Variants in IGF1R observed in about 807,000 individuals in gnomAD.
The protein encoded by IGF1R is insulin like growth factor 1 receptor, also known as insulin-like growth factor 1 receptor.
A neutral mutation model predicts 144.6 loss-of-function variants in IGF1R; 44 were observed. The observed-to-expected ratio is 0.30, with a 90% CI of 0.24 to 0.39. IGF1R has a LOEUF of 0.39. Ranked by LOEUF, IGF1R falls within the 10% of genes least tolerant of loss-of-function variation. IGF1R has a pLI of 1.00. For synonymous variants in IGF1R, 795 were observed against 722.8 expected, an observed-to-expected ratio of 1.10 and a Z score of -1.60; for missense variants, 1,355 against 1,833.7, an observed-to-expected ratio of 0.74 and a Z score of 4.77.
chr15:98,764,199 T>C (rs927897808), intron 2 of IGF1R, among the ~76,000 whole-genome samples: 2 of 152,238 alleles, frequency 1.3e-5, no homozygotes, highest in Non-Finnish European at 2.9e-5. Context: ...TACCTGAAGC[T>C]TTCGTGTCTT....
intron 2 of IGF1R, among the ~76,000 whole-genome samples, chr15:98,734,028 G>A (rs1370543664): frequency 4.6e-5 from 7 of 152,148 alleles, no homozygotes; most frequent in Admixed American, 2.0e-4. Flanking sequence ...AGCCTGCCTC[G>A]TAGGACCCTC....
At chr15:98,798,951 AGGCACAG>A (rs1485272524) in intron 2 of IGF1R, among the ~76,000 whole-genome samples, 1 of 152,152 alleles carries the variant, frequency 6.6e-6, no homozygotes, top group Admixed American at 6.5e-5. Flanking sequence ...GAAGAAACTG[AGGCACAG>A]AGAGGTTAGC....
At chr15:98,864,338 A>G (rs2012314944) in intron 2 of IGF1R, among the ~76,000 whole-genome samples, 1 of 152,214 alleles carries the variant, frequency 6.6e-6, no homozygotes, top group Non-Finnish European at 1.5e-5. Context: ...TCCCAAATCT[A>G]ATTGGTATGA....
intron 5 of IGF1R, among the ~76,000 whole-genome samples, chr15:98,906,423 C>T (rs998400777): frequency 6.6e-6 from 1 of 152,226 alleles, no homozygotes; most frequent in Non-Finnish European, 1.5e-5. Flanking sequence ...GGGGGTGCAT[C>T]GCTGCAGTCT....
At position 98,762,950 on chromosome 15, in the gene IGF1R, G is replaced by T. The variant is rs575945141; in HGVS notation, c.640+54843G>T. Among the ~76,000 whole-genome samples the T allele has an allele frequency of 1.1e-3, 172 of 151,618 alleles. 1 individual carries two copies. The highest frequency in any genetic ancestry group is 1.9e-3 in the Non-Finnish European group (132 of 67,974). ...AGTCCCAGCTACTCAGGAGGCTGACGCAGGAGAATTGCTTGAACCTGGGAG... is the reference window on the plus strand; with the variant it reads ...AGTCCCAGCTACTCAGGAGGCTGACTCAGGAGAATTGCTTGAACCTGGGAG... On this transcript the variant is annotated intron_variant, in intron 2 of 20. Transcript: ENST00000650285.
intron 2 of IGF1R, among the ~76,000 whole-genome samples, chr15:98,810,521 A>G (rs1206352944): frequency 3.3e-5 from 5 of 152,006 alleles, no homozygotes; most frequent in Non-Finnish European, 5.9e-5. Context: ...ACTCTCTTGT[A>G]AAATCAGATT....
chr15:98,813,207 A>C (rs142665898), intron 2 of IGF1R, among the ~76,000 whole-genome samples: 1,766 of 152,272 alleles, frequency 0.012, 22 homozygotes, highest in Middle Eastern at 0.048. Context: ...AGGGTTAGCC[A>C]GTTCCTAGGT....
At position 98,957,417 on chromosome 15, in the gene IGF1R, C is replaced by T. The variant is rs779623011; in HGVS notation, c.4079C>T (p.Pro1360Leu). Residue 1360 changes from proline (P) to leucine (L), a missense_variant, in exon 21 of 21, where the codon CCG (proline) becomes CTG (leucine). Coordinates refer to ENST00000650285, the MANE Select transcript of IGF1R (RefSeq NM_000875.5). ...GGCCGCAAGAACGAGCGGGCCTTGCCGCTGCCCCAGTCTTCGACCTGCTGA... is the reference window on the plus strand; with the variant it reads ...GGCCGCAAGAACGAGCGGGCCTTGCTGCTGCCCCAGTCTTCGACCTGCTGA... The part of the protein sequence containing the change: ...NGGRKNERAL[P>L]LPQSSTC 12 of 1,613,072 alleles carry T rather than the reference C, an allele frequency of 7.4e-6. No individual in the cohort carries two copies. Among genetic ancestry groups the T allele is most frequent in the Middle Eastern group, 1.7e-4 (1 of 6,046 alleles).
At chr15:98,852,368 A>G (rs933564713) in intron 2 of IGF1R, among the ~76,000 whole-genome samples, 11 of 152,180 alleles carry the variant, frequency 7.2e-5, no homozygotes, top group African/African-American at 2.7e-4. Flanking sequence ...GCCGCCGTGG[A>G]CCAAGGTTGT....
At chr15:98,747,284 C>T (rs2054892396) in intron 2 of IGF1R, among the ~76,000 whole-genome samples, 1 of 152,112 alleles carries the variant, frequency 6.6e-6, no homozygotes, top group South Asian at 2.1e-4. Flanking sequence ...GCAACCTCCA[C>T]CTCCCGGGTT....
At chr15:98,819,999 A>G (rs982815352) in intron 2 of IGF1R, among the ~76,000 whole-genome samples, 53 of 152,216 alleles carry the variant, frequency 3.5e-4, no homozygotes, top group Admixed American at 2.6e-4. Flanking sequence ...GTGTATGAAA[A>G]TAGTTTAATC....
At position 98,873,193 on chromosome 15, in the gene IGF1R, T is replaced by G. The variant is rs1401118373; in HGVS notation, c.641-18132T>G. ...TTTTACATGGGATATCTCACAAGAC[T>G]TATTGATGCATGTTATACGTAATAA... On this transcript the variant is annotated intron_variant, in intron 2 of 20. Transcript: ENST00000650285. Among the ~76,000 whole-genome samples the G allele has an allele frequency of 2.0e-5, 3 of 152,304 alleles. No individual in the cohort carries two copies. In the East Asian group the frequency reaches 5.8e-4, roughly 29 times the overall value.
chr15:98,827,708 G>C (rs1453004299), intron 2 of IGF1R, among the ~76,000 whole-genome samples: 1 of 152,084 alleles, frequency 6.6e-6, no homozygotes, highest in Non-Finnish European at 1.5e-5. Flanking sequence ...TCAGCCTCCT[G>C]AGTAGCTGGG....
chr15:98,906,523 G>T (rs1446052434), intron 5 of IGF1R, among the ~76,000 whole-genome samples: 1 of 152,152 alleles, frequency 6.6e-6, no homozygotes, highest in African/African-American at 2.4e-5. Context: ...TGACTGCATG[G>T]AGCCCCTCTG....
chr15:98,710,394 G>A (rs777396956), intron 2 of IGF1R, among the ~76,000 whole-genome samples: 4 of 152,046 alleles, frequency 2.6e-5, no homozygotes, highest in Non-Finnish European at 5.9e-5. Flanking sequence ...CTTGGTTTGC[G>A]TAGATTCCAT....
intron 10 of IGF1R, among the ~76,000 whole-genome samples, chr15:98,917,258 A>G (rs1215529210): frequency 6.6e-6 from 1 of 152,332 alleles, no homozygotes; most frequent in East Asian, 1.9e-4. Flanking sequence ...CTTCCTAATT[A>G]TCTTTACTGC....
At chr15:98,790,273 T>C (rs1247338643) in intron 2 of IGF1R, among the ~76,000 whole-genome samples, 1 of 152,200 alleles carries the variant, frequency 6.6e-6, no homozygotes, top group Non-Finnish European at 1.5e-5. Context: ...TGTCCTTGCC[T>C]AGAAAGATCA....
chr15:98,796,942 C>T (rs1471775565), intron 2 of IGF1R, among the ~76,000 whole-genome samples: 1 of 152,336 alleles, frequency 6.6e-6, no homozygotes, highest in South Asian at 2.1e-4. Context: ...GTGCATCTAG[C>T]TGTAAAAGCC....
chr15:98,930,668 A>T (rs2015905665), intron 15 of IGF1R, among the ~76,000 whole-genome samples: 1 of 152,220 alleles, frequency 6.6e-6, no homozygotes, highest in African/African-American at 2.4e-5. Flanking sequence ...CTGACAAAAC[A>T]GTCCTTTTAA....
Sources: allele counts gnomAD v4.1 joint callset (sites outside exome capture counted in the v4.1 genomes callset), GRCh38; gene constraint gnomAD v4.1.1; transcripts MANE v1.5; gene names NCBI Gene and HGNC (gene_info 2026-07-23, HGNC 2026-07-21).